Variants in MAGI2 observed in about 807,000 individuals in gnomAD.
MAGI2 encodes membrane associated guanylate kinase, WW and PDZ domain containing 2, also known as membrane-associated guanylate kinase, WW and PDZ domain-containing protein 2.
In MAGI2, 35 loss-of-function variants were observed where a neutral mutation model predicts 133.3. The observed-to-expected ratio is 0.26, with a 90% confidence interval of 0.20 to 0.35. The LOEUF (loss-of-function observed/expected upper bound fraction) is 0.35. Among genes scored for constraint, MAGI2 ranks in the 10% least tolerant of loss-of-function variants. MAGI2 has a pLI of 1.00. For synonymous variants in MAGI2, 729 were observed against 710.6 expected (o/e 1.03, Z -0.41); for missense variants, 1,636 against 1,863.4 (o/e 0.88, Z 2.25).
At chr7:78,118,975 T>A (rs1342229823) in intron 20 of MAGI2, among the ~76,000 whole-genome samples, 1 of 152,154 alleles carries the variant, frequency 6.6e-6, no homozygotes, top group African/African-American at 2.4e-5. Context: ...TATTCAGCAC[T>A]AAAAGAAATG....
intron 2 of MAGI2, among the ~76,000 whole-genome samples, chr7:78,690,781 T>C (rs1219805813): frequency 1.3e-5 from 2 of 152,188 alleles, no homozygotes; most frequent in Admixed American, 6.5e-5. Flanking sequence ...TTTTAATGAT[T>C]GCTTAAATAC....
At chr7:79,125,494 C>A (rs187366629) in intron 1 of MAGI2, 20 of 512,738 alleles carry the variant, frequency 3.9e-5, no homozygotes, top group South Asian at 2.7e-4. Flanking sequence ...AGGAAGCAGA[C>A]GCTATGGAAG....
intron 2 of MAGI2, among the ~76,000 whole-genome samples, chr7:78,766,186 G>A (rs112642709): frequency 1.9e-3 from 282 of 152,256 alleles, no homozygotes; most frequent in African/African-American, 6.6e-3. Context: ...TGCTTTTGTG[G>A]AAAGTGCTTG....
chr7:78,577,646 T>C (rs1340126810), intron 3 of MAGI2, among the ~76,000 whole-genome samples: 4 of 146,456 alleles, frequency 2.7e-5, no homozygotes, highest in Non-Finnish European at 6.0e-5. Context: ...AGGGGGGTTG[T>C]TCTCTGGCGG....
chr7:78,702,239 T>TA (rs2151152444), intron 2 of MAGI2, among the ~76,000 whole-genome samples: 1 of 152,114 alleles, frequency 6.6e-6, no homozygotes, highest in Admixed American at 6.6e-5. Context: ...ACAAATCACT[T>TA]ATGTGAATTG....
intron 3 of MAGI2, among the ~76,000 whole-genome samples, chr7:78,567,345 C>T (rs550861815): frequency 6.6e-6 from 1 of 151,980 alleles, no homozygotes; most frequent in South Asian, 2.1e-4. Context: ...TGCAGCCATA[C>T]CTTCCAAATA....
chr7:78,347,265 T>TAAACCA (rs1791018581), intron 7 of MAGI2: 2 of 152,322 alleles, frequency 1.3e-5, no homozygotes, highest in Non-Finnish European at 1.5e-5. Context: ...AGCAGCAACA[T>TAAACCA]CTCAACAACC....
intron 2 of MAGI2, among the ~76,000 whole-genome samples, chr7:78,699,974 C>T (rs371940866): frequency 1.7e-4 from 26 of 152,182 alleles, no homozygotes; most frequent in African/African-American, 6.3e-4. Flanking sequence ...GAATTTCTCT[C>T]TAAGCAAGAA....
At chr7:78,862,434 C>T (rs1166528364) in intron 2 of MAGI2, among the ~76,000 whole-genome samples, 1 of 152,162 alleles carries the variant, frequency 6.6e-6, no homozygotes, top group Non-Finnish European at 1.5e-5. Flanking sequence ...TTTGGTTATA[C>T]ATTCCCTGTT....
intron 1 of MAGI2, among the ~76,000 whole-genome samples, chr7:79,429,735 C>A (rs1399446855): frequency 2.0e-5 from 3 of 152,058 alleles, no homozygotes; most frequent in South Asian, 2.1e-4. Flanking sequence ...TGGAAAAAGT[C>A]TTTTGCATAA....
At chr7:79,376,583 T>C (rs959655251) in intron 1 of MAGI2, among the ~76,000 whole-genome samples, 7 of 151,780 alleles carry the variant, frequency 4.6e-5, no homozygotes, top group African/African-American at 9.7e-5. Flanking sequence ...CAATGACTAA[T>C]GGGTGGGTAG....
intron 1 of MAGI2, among the ~76,000 whole-genome samples, chr7:79,050,281 G>A (rs1812555794): frequency 6.6e-6 from 1 of 152,092 alleles, no homozygotes. Flanking sequence ...AAGACAAACA[G>A]GTTTACTGGT....
At chr7:78,670,652 C>T (rs187466652) in intron 2 of MAGI2, among the ~76,000 whole-genome samples, 141 of 152,266 alleles carry the variant, frequency 9.3e-4, no homozygotes, top group African/African-American at 2.5e-3. Flanking sequence ...GGAGGCATCA[C>T]GCTACCTGAC....
At chr7:79,271,952 G>A (rs1476465625) in intron 1 of MAGI2, among the ~76,000 whole-genome samples, 4 of 151,954 alleles carry the variant, frequency 2.6e-5, no homozygotes. Context: ...TGCTTTTTTG[G>A]ACATTTTAAT....
At chr7:78,305,695 A>G (rs1798195878) in intron 9 of MAGI2, among the ~76,000 whole-genome samples, 1 of 152,164 alleles carries the variant, frequency 6.6e-6, no homozygotes, top group African/African-American at 2.4e-5. Flanking sequence ...CTCCCTTTGC[A>G]TTCTCCAAGG....
At chr7:78,682,914 T>C (rs1225601644) in intron 2 of MAGI2, among the ~76,000 whole-genome samples, 1 of 152,196 alleles carries the variant, frequency 6.6e-6, no homozygotes. Context: ...TAAAACTGTT[T>C]TGCTTTATTG....
intron 4 of MAGI2, among the ~76,000 whole-genome samples, chr7:78,506,850 G>C (rs1795134767): frequency 6.6e-6 from 1 of 152,176 alleles, no homozygotes; most frequent in South Asian, 2.1e-4. Flanking sequence ...AAGAAGCTTG[G>C]CTTTGGACAA....
chr7:79,091,201 C>G (rs981423366), intron 1 of MAGI2, among the ~76,000 whole-genome samples: 1 of 151,988 alleles, frequency 6.6e-6, no homozygotes, highest in African/African-American at 2.4e-5. Flanking sequence ...GTCTCTCAAG[C>G]TCCTTATGAC....
chr7:79,232,222 A>C (rs1831433071), intron 1 of MAGI2, among the ~76,000 whole-genome samples: 1 of 152,004 alleles, frequency 6.6e-6, no homozygotes, highest in South Asian at 2.1e-4. Flanking sequence ...TTTTTGCATC[A>C]ATGTTCATCA....
Sources: gnomAD v4.1 joint callset for allele counts (sites outside exome capture counted in the v4.1 genomes callset) on GRCh38, gnomAD v4.1.1 for gene constraint, MANE v1.5 for transcripts, NCBI Gene and HGNC (gene_info 2026-07-23, HGNC 2026-07-21) for gene names.